Variants in KCNK2 observed in about 807,000 individuals in gnomAD.
KCNK2 encodes potassium channel subfamily K member 2.
Under a neutral mutation model 40.5 loss-of-function variants are expected in KCNK2, and 21 were observed. That is an observed-to-expected ratio of 0.52 (90% CI 0.37 to 0.75). The LOEUF is 0.75. KCNK2 is among the 30% of genes least tolerant of loss of function. KCNK2 has a pLI of 0.00. For missense variants in KCNK2, 399 were observed against 531.6 expected, an observed-to-expected ratio of 0.75 and a Z score of 2.45; for synonymous variants, 191 against 202.2, an observed-to-expected ratio of 0.94 and a Z score of 0.47.
At chr1:215,231,862 G>A (rs567657876) in intron 6 of KCNK2, among the ~76,000 whole-genome samples, 17 of 152,058 alleles carry the variant, frequency 1.1e-4, no homozygotes, top group Non-Finnish European at 2.4e-4. Flanking sequence ...ACGTGGCAGC[G>A]GGCAAGAGAG....
intron 4 of KCNK2, 69 bp from the exon 5 acceptor site, chr1:215,171,920 GTCTCTCTC>G (rs3834061): frequency 5.7e-3 from 4,795 of 848,174 alleles, no homozygotes; most frequent in Non-Finnish European, 6.3e-3. Context: ...CTCTCTCTTT[GTCTCTCTC>G]TCTCTCTCTC....
chr1:215,014,412 T>C lies in KCNK2; in HGVS notation c.34+8457T>C, dbSNP rs141593462. Among the ~76,000 whole-genome samples, 666 of 151,716 alleles carry C rather than the reference T, an allele frequency of 4.4e-3. 4 individuals are homozygous for C. The highest frequency in any genetic ancestry group is 0.015 in the African/African-American group (604 of 41,446). ...TTTCTCCTGCTTGGTGTCAGTGTAT[T>C]GATGGCCTCAAAAATGTCAAAAATT... On this transcript the variant is annotated intron_variant, in intron 1 of 6. Transcript: ENST00000391895.
At chr1:215,113,442 G>C (rs1660789431) in intron 2 of KCNK2, among the ~76,000 whole-genome samples, 1 of 152,090 alleles carries the variant, frequency 6.6e-6, no homozygotes, top group Admixed American at 6.6e-5. Context: ...TTCTGCCTCA[G>C]CTTTTGTGAA....
intron 1 of KCNK2, among the ~76,000 whole-genome samples, chr1:215,069,630 T>C (rs1252817688): frequency 6.6e-6 from 1 of 151,542 alleles, no homozygotes; most frequent in African/African-American, 2.5e-5. Flanking sequence ...CATTTTCAAA[T>C]GTTAACTTTT....
intron 2 of KCNK2, among the ~76,000 whole-genome samples, chr1:215,123,246 A>C (rs532854679): frequency 6.6e-6 from 1 of 152,318 alleles, no homozygotes; most frequent in Non-Finnish European, 1.5e-5. Context: ...TGCATGTGGA[A>C]TAGTATTAAC....
In KCNK2 at chr1:215,201,543, C is replaced by A. The variant is rs114651822; in HGVS notation, c.963+6451C>A. Among the ~76,000 whole-genome samples, 544 of 152,234 alleles carry A rather than the reference C, an allele frequency of 3.6e-3. 1 individual carries two copies. Among genetic ancestry groups the A allele is most frequent in the African/African-American group, 0.012 (514 of 41,540 alleles). On this transcript the variant is annotated intron_variant, in intron 6 of 6. Transcript: ENST00000444842. ...ATGAATGGTGCCCTGGGGAATTGAG[C>A]CATGGCATGGAGACCAGTTAGGAAT...
chr1:215,207,755 C>T (rs1665378541), intron 6 of KCNK2, among the ~76,000 whole-genome samples: 1 of 152,090 alleles, frequency 6.6e-6, no homozygotes, highest in African/African-American at 2.4e-5. Flanking sequence ...AACAGCAACA[C>T]AAGCATATGG....
chr1:215,155,871 T>G (rs1044089802), intron 3 of KCNK2, among the ~76,000 whole-genome samples: 8 of 152,112 alleles, frequency 5.3e-5, no homozygotes, highest in Middle Eastern at 3.2e-3. Flanking sequence ...TTTCACTAAG[T>G]TTTTCTTTTA....
exon 1 of KCNK2, chr1:215,005,886 C>A: frequency 6.2e-7 from 1 of 1,607,904 alleles, no homozygotes; most frequent in Non-Finnish European, 8.5e-7. Flanking sequence ...CATTAAAGAT[C>A]AAAAGCATGA....
At chr1:215,170,711 C>CT (rs1014217875) in intron 4 of KCNK2, among the ~76,000 whole-genome samples, 1 of 151,918 alleles carries the variant, frequency 6.6e-6, no homozygotes, top group African/African-American at 2.4e-5. Context: ...GAGTTTTATT[C>CT]TTTTTTTGTA....
chr1:215,184,318 A>C (rs570651610), intron 5 of KCNK2, among the ~76,000 whole-genome samples: 1 of 152,316 alleles, frequency 6.6e-6, no homozygotes, highest in East Asian at 1.9e-4. Flanking sequence ...ACAAAAATAT[A>C]CTTGTGATGC....
intron 1 of KCNK2, among the ~76,000 whole-genome samples, chr1:215,034,708 T>A (rs12089490): frequency 0.013 from 1,951 of 152,272 alleles, 38 homozygotes; most frequent in African/African-American, 0.044. Flanking sequence ...GTCATCTATC[T>A]ATGTGTAAGT....
rs1322640483 is a variant in KCNK2 at position 215,204,579 on chromosome 1, C to T, written c.963+9487C>T. 2.6e-5 allele frequency among the ~76,000 whole-genome samples: 4 copies of T among 152,046 alleles called. 1 individual carries two copies. The South Asian group carries it at 8.3e-4, about 31-fold the overall frequency. On this transcript the variant is annotated intron_variant, in intron 6 of 6. Coordinates refer to ENST00000444842, the MANE Select transcript of KCNK2 (RefSeq NM_001017425.3). ...AATTTGTGTTAGGAAAAGTGGCCAC[C>T]ATGAACTTAGCTTTCAAAATTGTTT...
intron 5 of KCNK2, among the ~76,000 whole-genome samples, chr1:215,191,635 CTTAT>C (rs2102660614): frequency 6.6e-6 from 1 of 152,252 alleles, no homozygotes; most frequent in African/African-American, 2.4e-5. Context: ...GATGAGTAGA[CTTAT>C]TTTAACTACT....
At chr1:215,207,576 T>C (rs1665369745) in intron 6 of KCNK2, among the ~76,000 whole-genome samples, 1 of 152,230 alleles carries the variant, frequency 6.6e-6, no homozygotes, top group South Asian at 2.1e-4. Context: ...GGACAGGTAC[T>C]TGACTTACAT....
rs1017538791 is a variant in KCNK2 at position 215,082,761 on chromosome 1, G to A, written c.-625G>A. ...GAAACGAGCCGGCAAGGGGCGACAG[G>A]AGCGAGCCGGGAAGGGAGAGCAGCG... On this transcript the variant is annotated 5_prime_UTR_variant, in exon 1 of 7. Transcript: ENST00000444842. Among the ~76,000 whole-genome samples the A allele has an allele frequency of 2.6e-5, 4 of 152,052 alleles. No homozygotes were observed. The highest frequency in any genetic ancestry group is 9.7e-5 in the African/African-American group (4 of 41,440).
At position 215,183,111 on chromosome 1, in the gene KCNK2, G is replaced by A. The variant is rs151087413; in HGVS notation, c.823+10928G>A. Among the ~76,000 whole-genome samples, 292 of 152,176 alleles carry A rather than the reference G, an allele frequency of 1.9e-3. 2 individuals carry two copies. The highest frequency in any genetic ancestry group is 6.7e-3 in the African/African-American group (278 of 41,530). On this transcript the variant is annotated intron_variant, in intron 5 of 6. Coordinates refer to ENST00000444842, the MANE Select transcript of KCNK2 (RefSeq NM_001017425.3). ...TTTTCCTTCTTGAATTAAAGCTTAC[G>A]GGGTTGATCTTTATGCACTATCTTG...
At chr1:215,184,940 G>A (rs1664371713) in intron 5 of KCNK2, among the ~76,000 whole-genome samples, 1 of 152,060 alleles carries the variant, frequency 6.6e-6, no homozygotes. Context: ...TTATATTTGT[G>A]ACCATTGTAT....
chr1:215,197,704 C>T (rs1318058467), intron 6 of KCNK2, among the ~76,000 whole-genome samples: 3 of 152,028 alleles, frequency 2.0e-5, no homozygotes, highest in African/African-American at 7.2e-5. Context: ...CTGATTTATT[C>T]AAAATGAAAA....
Sources: allele counts gnomAD v4.1 joint callset (sites outside exome capture counted in the v4.1 genomes callset), GRCh38; gene constraint gnomAD v4.1.1; transcripts MANE v1.5; gene names NCBI Gene and HGNC (gene_info 2026-07-23, HGNC 2026-07-21).